ZCCHC7: variants seen among roughly 807,000 people sequenced by gnomAD.
ZCCHC7 encodes zinc finger CCHC domain-containing protein 7.
A neutral mutation model predicts 52.0 loss-of-function variants in ZCCHC7; 35 were observed. The observed-to-expected ratio is 0.67, with a 90% confidence interval of 0.51 to 0.89. The LOEUF (loss-of-function observed/expected upper bound fraction) is 0.89, where lower values mean the gene tolerates loss of function less well. Among genes scored for constraint, ZCCHC7 ranks in the 40% least tolerant of loss-of-function variants. ZCCHC7 has a pLI of 0.00. For missense variants in ZCCHC7, 574 were observed against 649.1 expected (o/e 0.88, Z 1.26); for synonymous variants, 217 against 221.5 (o/e 0.98, Z 0.18).
rs1197027232 is a variant in ZCCHC7 at position 37,357,737 on chromosome 9, T to G, written c.*469T>G. 6.6e-6 allele frequency: 1 copy of G among 152,150 alleles called. No homozygotes were observed. Among genetic ancestry groups the G allele is most frequent in the Non-Finnish European group, 1.5e-5 (1 of 68,066 alleles). 9.4% of individuals were successfully genotyped at this position (152,150 alleles called of 1,614,324 possible). A position where few individuals can be genotyped will look rare whatever the true frequency, so the allele number is the denominator to read the frequency against. ...TATAAACCTATATCCAGATTTTCTT[T>G]CTGCTGAAGCTGTTGTCAGAATCTT... On this transcript the variant is annotated 3_prime_UTR_variant, in exon 9 of 9. Transcript: ENST00000336755.
chr9:37,173,115 C>G (rs1485228991), intron 2 of ZCCHC7, among the ~76,000 whole-genome samples: 3 of 127,794 alleles, frequency 2.3e-5, no homozygotes, highest in Non-Finnish European at 5.0e-5. Context: ...AATAGGGACT[C>G]GAGTGAACAA....
intron 2 of ZCCHC7, among the ~76,000 whole-genome samples, chr9:37,170,476 G>T (rs1821669900): frequency 6.6e-6 from 1 of 152,152 alleles, no homozygotes. Context: ...ACTTAGGAAG[G>T]ATAACTAAGA....
intron 2 of ZCCHC7, among the ~76,000 whole-genome samples, chr9:37,283,688 G>A (rs2133582780): frequency 6.6e-6 from 1 of 152,158 alleles, no homozygotes; most frequent in Non-Finnish European, 1.5e-5. Flanking sequence ...TAATAATGGT[G>A]ATATAAGAGA....
intron 2 of ZCCHC7, chr9:37,186,719 A>G (rs1163724596): frequency 3.4e-6 from 2 of 594,766 alleles, no homozygotes; most frequent in South Asian, 2.0e-5. Flanking sequence ...CAGGCCAAGA[A>G]TAAAATCTTT....
chr9:37,289,165 T>C (rs1006935762), intron 2 of ZCCHC7, among the ~76,000 whole-genome samples: 7 of 151,702 alleles, frequency 4.6e-5, no homozygotes, highest in Admixed American at 6.6e-5. Context: ...TTTTTTTTTT[T>C]CTGAGGTGGA....
chr9:37,348,391 T>TTTCTTTCTTTCTTTCC (rs1372754519), intron 6 of ZCCHC7, among the ~76,000 whole-genome samples: 24 of 150,226 alleles, frequency 1.6e-4, no homozygotes, highest in African/African-American at 5.7e-4. Flanking sequence ...TCTTTCTTTC[T>TTTCTTTCTTTCTTTCC]TTTTTGACAT....
intron 2 of ZCCHC7, among the ~76,000 whole-genome samples, chr9:37,182,275 G>T (rs1344672283): frequency 6.6e-6 from 1 of 151,704 alleles, no homozygotes; most frequent in African/African-American, 2.4e-5. Context: ...GATAATACAG[G>T]CACATTTATC....
intron 2 of ZCCHC7, among the ~76,000 whole-genome samples, chr9:37,199,694 GTCTGTCTTTCTT>G (rs879391689): frequency 2.4e-4 from 17 of 71,234 alleles, no homozygotes; most frequent in East Asian, 1.8e-3. Flanking sequence ...CTGTCTTTCT[GTCTGTCTTTCTT>G]TCTGTCTTTC....
chr9:37,133,201 A>G (rs971683702), intron 2 of ZCCHC7, among the ~76,000 whole-genome samples: 3 of 152,194 alleles, frequency 2.0e-5, no homozygotes, highest in Non-Finnish European at 4.4e-5. Flanking sequence ...GTGTTGGGCC[A>G]CATTCAAAAG....
At chr9:37,329,995 A>T (rs1374989029) in intron 6 of ZCCHC7, among the ~76,000 whole-genome samples, 1 of 151,858 alleles carries the variant, frequency 6.6e-6, no homozygotes, top group African/African-American at 2.4e-5. Flanking sequence ...ATTAGTATCC[A>T]GTTTGGAGAT....
chr9:37,351,282 T>C (rs1316143216), intron 7 of ZCCHC7, among the ~76,000 whole-genome samples: 1 of 152,134 alleles, frequency 6.6e-6, no homozygotes, highest in African/African-American at 2.4e-5. Flanking sequence ...TTTCTTTATC[T>C]CCAAAGCAGA....
chr9:37,204,809 A>T (rs752044392), intron 2 of ZCCHC7, among the ~76,000 whole-genome samples: 1 of 152,148 alleles, frequency 6.6e-6, no homozygotes, highest in Non-Finnish European at 1.5e-5. Flanking sequence ...TTGGCTTCAT[A>T]TGAATTTTAA....
At chr9:37,303,988 G>A (rs1216684937) in intron 3 of ZCCHC7, among the ~76,000 whole-genome samples, 200 bp from the exon 4 acceptor site, 1 of 152,146 alleles carries the variant, frequency 6.6e-6, no homozygotes, top group African/African-American at 2.4e-5. Context: ...GAGAACAAGA[G>A]AGATCATAAA....
rs74182940 is a variant in ZCCHC7, at chr9:37,303,655, C to CTTTTTTTTTTTTTTT, written c.655-522_655-508dup. Among the ~76,000 whole-genome samples, 7 of 56,774 alleles carry CTTTTTTTTTTTTTTT rather than the reference C, an allele frequency of 1.2e-4. 1 individual carries two copies. Among genetic ancestry groups the CTTTTTTTTTTTTTTT allele is most frequent in the African/African-American group, 4.7e-4 (6 of 12,676 alleles). The allele number at this position is 56,774 out of a possible 152,430, so 37.2% of individuals were successfully genotyped here. A position where few individuals can be genotyped will look rare whatever the true frequency, so the allele number is the denominator to read the frequency against. On this transcript the variant is annotated intron_variant, in intron 3 of 8. Transcript: ENST00000336755. Reference sequence around the variant, plus strand: ...CACCTCCTTTTATGTTTTTCTACCTCTTTTTTTTTTTTTTTTTTTTTTTTT... The same window carrying CTTTTTTTTTTTTTTT: ...CACCTCCTTTTATGTTTTTCTACCTCTTTTTTTTTTTTTTTTTTTTTTTTTTTTTTTTTTTTTTTT...
chr9:37,157,697 A>T (rs562421097), intron 2 of ZCCHC7, among the ~76,000 whole-genome samples: 64 of 152,356 alleles, frequency 4.2e-4, no homozygotes, highest in African/African-American at 1.0e-3. Context: ...AAAGGTGCTC[A>T]ATATCACTTT....
intron 2 of ZCCHC7, among the ~76,000 whole-genome samples, chr9:37,287,744 T>C (rs575798178): frequency 2.0e-5 from 3 of 152,302 alleles, no homozygotes; most frequent in South Asian, 2.1e-4. Context: ...TATATACTTA[T>C]TATAGGTACA....
rs567908291 is a variant in ZCCHC7, at chr9:37,262,239, A to G, written c.611-39949A>G. 2.8e-4 allele frequency among the ~76,000 whole-genome samples: 42 copies of G among 151,082 alleles called. 1 individual carries two copies. In the South Asian group the frequency reaches 3.8e-3, roughly 14 times the overall value. On this transcript the variant is annotated intron_variant, in intron 2 of 8. Transcript: ENST00000336755. ...TGATTTTTTTTTTTTTGGTAAAGAGATTTTTTTAGATAAACTCTAAGAAAG... is the reference window on the plus strand; with the variant it reads ...TGATTTTTTTTTTTTTGGTAAAGAGGTTTTTTTAGATAAACTCTAAGAAAG...
chr9:37,270,993 G>A (rs1479616059), intron 2 of ZCCHC7, among the ~76,000 whole-genome samples: 3 of 152,072 alleles, frequency 2.0e-5, no homozygotes, highest in Non-Finnish European at 4.4e-5. Flanking sequence ...CCGAATGAGG[G>A]GGAGGTTTTC....
chr9:37,335,045 T>C (rs973444359), intron 6 of ZCCHC7, among the ~76,000 whole-genome samples: 3 of 152,164 alleles, frequency 2.0e-5, no homozygotes, highest in African/African-American at 7.2e-5. Flanking sequence ...GGGTAAATTA[T>C]AAGATCATCT....
Sources: allele counts gnomAD v4.1 joint callset (sites outside exome capture counted in the v4.1 genomes callset), GRCh38; gene constraint gnomAD v4.1.1; transcripts MANE v1.5; gene names NCBI Gene and HGNC (gene_info 2026-07-23, HGNC 2026-07-21).